HS6ST3: variants seen among roughly 807,000 people sequenced by gnomAD.
HS6ST3 encodes the protein heparan sulfate 6-O-sulfotransferase 3, also known as heparan-sulfate 6-O-sulfotransferase 3.
A neutral mutation model predicts 36.7 loss-of-function variants in HS6ST3; 12 were observed. The observed-to-expected ratio is 0.33, with a 90% confidence interval of 0.21 to 0.53. The LOEUF (loss-of-function observed/expected upper bound fraction) is 0.53, where lower values mean the gene tolerates loss of function less well. HS6ST3 is among the 20% of genes least tolerant of loss of function. The pLI, the probability that HS6ST3 is intolerant of heterozygous loss-of-function variation, is 0.95. For synonymous variants in HS6ST3, 240 were observed against 257.5 expected, an observed-to-expected ratio of 0.93 and a Z score of 0.65; for missense variants, 584 against 640.9, an observed-to-expected ratio of 0.91 and a Z score of 0.96.
At chr13:96,719,910 C>T (rs543762538) in intron 1 of HS6ST3, among the ~76,000 whole-genome samples, 13 of 152,246 alleles carry the variant, frequency 8.5e-5, no homozygotes, top group East Asian at 1.9e-4. Context: ...CTCTCCTGTC[C>T]GCTGAAGGGC....
At chr13:96,663,225 C>T (rs2056652548) in intron 1 of HS6ST3, among the ~76,000 whole-genome samples, 2 of 152,106 alleles carry the variant, frequency 1.3e-5, no homozygotes, top group South Asian at 4.1e-4. Flanking sequence ...GATCTGTTTC[C>T]TTATCACACC....
At chr13:96,391,464 AC>A (rs372748011) in intron 1 of HS6ST3, among the ~76,000 whole-genome samples, 26 of 152,248 alleles carry the variant, frequency 1.7e-4, no homozygotes, top group African/African-American at 6.0e-4. Flanking sequence ...CTGGGATCAC[AC>A]AAAGCAACAG....
At chr13:96,676,838 C>T (rs1049270208) in intron 1 of HS6ST3, among the ~76,000 whole-genome samples, 6 of 152,246 alleles carry the variant, frequency 3.9e-5, no homozygotes, top group Non-Finnish European at 8.8e-5. Context: ...ATTTAGATGG[C>T]TGTGATTTGT....
At chr13:96,515,338 T>C (rs929925646) in intron 1 of HS6ST3, among the ~76,000 whole-genome samples, 1 of 152,204 alleles carries the variant, frequency 6.6e-6, no homozygotes, top group Non-Finnish European at 1.5e-5. Context: ...ATTGTGGGGA[T>C]TGGACCATGA....
At chr13:96,430,502 G>T (rs2055609737) in intron 1 of HS6ST3, among the ~76,000 whole-genome samples, 1 of 152,158 alleles carries the variant, frequency 6.6e-6, no homozygotes, top group South Asian at 2.1e-4. Flanking sequence ...AGCTCTCCTG[G>T]GGTGAGGCCC....
At chr13:96,281,153 G>A (rs533472715) in intron 1 of HS6ST3, among the ~76,000 whole-genome samples, 6 of 152,020 alleles carry the variant, frequency 3.9e-5, no homozygotes, top group Admixed American at 6.6e-5. Flanking sequence ...CTACAGGTGC[G>A]CGCCACCACA....
intron 1 of HS6ST3, among the ~76,000 whole-genome samples, chr13:96,335,698 A>C (rs564284834): frequency 1.3e-4 from 20 of 152,296 alleles, no homozygotes; most frequent in Non-Finnish European, 2.8e-4. Context: ...AGTTTTATAA[A>C]TTAGCTGGAG....
At chr13:96,503,609 G>C (rs2056014407) in intron 1 of HS6ST3, among the ~76,000 whole-genome samples, 1 of 152,098 alleles carries the variant, frequency 6.6e-6, no homozygotes, top group Non-Finnish European at 1.5e-5. Context: ...GTTCTTATGG[G>C]GGAGAATGAG....
At chr13:96,411,003 T>C (rs1017536111) in intron 1 of HS6ST3, among the ~76,000 whole-genome samples, 1 of 152,210 alleles carries the variant, frequency 6.6e-6, no homozygotes, top group South Asian at 2.1e-4. Flanking sequence ...ATTTCCAGTT[T>C]AAAGTTCTTT....
chr13:96,137,436 ATTTT>A (rs56884747), intron 1 of HS6ST3, among the ~76,000 whole-genome samples: 6 of 141,448 alleles, frequency 4.2e-5, no homozygotes, highest in African/African-American at 1.6e-4. Context: ...AATCCTGAAC[ATTTT>A]TTTTTTTTTT....
At chr13:96,564,378 T>C (rs1452059335) in intron 1 of HS6ST3, among the ~76,000 whole-genome samples, 2 of 152,178 alleles carry the variant, frequency 1.3e-5, no homozygotes, top group Non-Finnish European at 2.9e-5. Flanking sequence ...TCTTGGAAAG[T>C]ACTTTTAAAA....
intron 1 of HS6ST3, among the ~76,000 whole-genome samples, chr13:96,518,197 TCTC>T (rs1281841354): frequency 6.6e-6 from 1 of 152,146 alleles, no homozygotes; most frequent in East Asian, 1.9e-4. Context: ...GGAGACACCA[TCTC>T]CTTAACAGAT....
rs115958432 is a variant in HS6ST3 at position 96,264,924 on chromosome 13, C to T, written c.707+173355C>T. ...AGTGGAATTGACATTTTCTACCATTCGCTGAGCAGTTCCCTAGCTAATAAC... is the reference window on the plus strand; with the variant it reads ...AGTGGAATTGACATTTTCTACCATTTGCTGAGCAGTTCCCTAGCTAATAAC... On this transcript the variant is annotated intron_variant, in intron 1 of 1. Transcript: ENST00000376705. Among the ~76,000 whole-genome samples the T allele has an allele frequency of 5.5e-3, 844 of 152,300 alleles. 9 individuals carry two copies. Among genetic ancestry groups the T allele is most frequent in the African/African-American group, 0.019 (799 of 41,550 alleles).
chr13:96,203,420 G>T (rs111690475), intron 1 of HS6ST3, among the ~76,000 whole-genome samples: 1,786 of 152,136 alleles, frequency 0.012, 36 homozygotes, highest in African/African-American at 0.041. Context: ...TGCTCTAATC[G>T]TACCTCAAAG....
At chr13:96,580,614 G>T (rs1192837204) in intron 1 of HS6ST3, among the ~76,000 whole-genome samples, 7 of 152,036 alleles carry the variant, frequency 4.6e-5, no homozygotes, top group African/African-American at 1.7e-4. Context: ...TGTGTGGAAA[G>T]ATTTTTTTGA....
chr13:96,228,451 A>T (rs2054491707), intron 1 of HS6ST3, among the ~76,000 whole-genome samples: 1 of 152,152 alleles, frequency 6.6e-6, no homozygotes. Flanking sequence ...TTTTCAGTAC[A>T]GACAGGGTTT....
intron 1 of HS6ST3, among the ~76,000 whole-genome samples, chr13:96,419,644 G>C (rs1020930279): frequency 6.6e-6 from 1 of 152,186 alleles, no homozygotes; most frequent in East Asian, 1.9e-4. Context: ...GAGGCTAGAA[G>C]TCCAAAGTCA....
chr13:96,799,440 A>C (rs112116578), intron 1 of HS6ST3, among the ~76,000 whole-genome samples: 2 of 152,020 alleles, frequency 1.3e-5, no homozygotes, highest in Non-Finnish European at 1.5e-5. Context: ...ACCATGGAAT[A>C]CTATGCAGCC....
At chr13:96,657,280 G>T (rs1049434731) in intron 1 of HS6ST3, among the ~76,000 whole-genome samples, 8 of 151,972 alleles carry the variant, frequency 5.3e-5, no homozygotes, top group Non-Finnish European at 1.0e-4. Context: ...ATGCTTTAAG[G>T]CCAGGCACAG....
Sources: allele counts gnomAD v4.1 joint callset (sites outside exome capture counted in the v4.1 genomes callset), GRCh38; gene constraint gnomAD v4.1.1; transcripts MANE v1.5; gene names NCBI Gene and HGNC (gene_info 2026-07-23, HGNC 2026-07-21).